Variants in RIMS2 observed in about 807,000 individuals in gnomAD.
RIMS2 encodes regulating synaptic membrane exocytosis 2.
Under a neutral mutation model 174.4 loss-of-function variants are expected in RIMS2, and 59 were observed. The ratio of observed to expected loss-of-function variants is 0.34; its 90% CI spans 0.27 to 0.42. The LOEUF (loss-of-function observed/expected upper bound fraction) is 0.42. RIMS2 is among the 10% of genes least tolerant of loss of function. The probability of loss-of-function intolerance (pLI) is 1.00; values close to 1 mark genes in which losing one functional copy is unlikely to be tolerated. For synonymous variants in RIMS2, 606 were observed against 572.5 expected (o/e 1.06, Z -0.84); for missense variants, 1,620 against 1,666.3 (o/e 0.97, Z 0.48).
At chr8:103,766,450 G>T in exon 3 of RIMS2, 3 of 1,613,926 alleles carry the variant, frequency 1.9e-6, no homozygotes, top group Non-Finnish European at 2.5e-6. Context: ...GTGGAGAAAA[G>T]TCGATCTCAT....
intron 18 of RIMS2, among the ~76,000 whole-genome samples, chr8:104,014,015 G>A (rs1402062108): frequency 2.0e-5 from 3 of 152,092 alleles, no homozygotes; most frequent in Admixed American, 6.6e-5. Flanking sequence ...CTAATATTAT[G>A]TATTAACCAG....
intron 2 of RIMS2, among the ~76,000 whole-genome samples, chr8:103,737,789 T>C (rs2097706254): frequency 6.6e-6 from 1 of 152,174 alleles, no homozygotes; most frequent in Admixed American, 6.5e-5. Flanking sequence ...CACCAGATTT[T>C]TACATGGCAA....
intron 4 of RIMS2, among the ~76,000 whole-genome samples, chr8:103,895,755 C>A (rs1034675480): frequency 1.3e-5 from 2 of 151,286 alleles, no homozygotes; most frequent in African/African-American, 4.9e-5. Flanking sequence ...ACAGATTTTC[C>A]TGAGGATTAT....
Position 103,745,762 on chromosome 8 carries a change from A to G in RIMS2, c.388-20465A>G, listed in dbSNP as rs545733416. Among the ~76,000 whole-genome samples, 44 of 152,274 alleles carry G rather than the reference A, an allele frequency of 2.9e-4. No individual in the cohort carries two copies. In the South Asian group the frequency reaches 6.8e-3, roughly 24 times the overall value. ...TCTTATGCTTTTTGGCCACTTGGAT[A>G]TGTTTATGCAGAAATATTCAAGTCC... On this transcript the variant is annotated intron_variant, in intron 2 of 23. Transcript: ENST00000504942.
intron 17 of RIMS2, among the ~76,000 whole-genome samples, chr8:103,997,612 T>G (rs1015326826): frequency 1.3e-5 from 2 of 151,690 alleles, no homozygotes; most frequent in African/African-American, 4.8e-5. Context: ...ATGTAATACA[T>G]AATACATAAT....
Position 103,797,234 on chromosome 8 carries a change from T to G in RIMS2, c.698+30697T>G, listed in dbSNP as rs117218676. Among the ~76,000 whole-genome samples, 17 of 152,254 alleles carry G rather than the reference T, an allele frequency of 1.1e-4. No homozygotes were observed. In the East Asian group the frequency reaches 3.1e-3, roughly 28 times the overall value. On this transcript the variant is annotated intron_variant, in intron 3 of 23. Transcript: ENST00000504942. Reference sequence around the variant, plus strand: ...TAGTTACTTGAGCCCTTCCTGTATGTTTTTCTAGCAAGAATTATATTTTTG... The same window carrying G: ...TAGTTACTTGAGCCCTTCCTGTATGGTTTTCTAGCAAGAATTATATTTTTG...
chr8:103,731,072 TA>T (rs937455824), intron 2 of RIMS2, among the ~76,000 whole-genome samples: 2 of 152,068 alleles, frequency 1.3e-5, no homozygotes, highest in Non-Finnish European at 2.9e-5. Flanking sequence ...TTGTGAGACT[TA>T]TTCACTATCA....
intron 19 of RIMS2, among the ~76,000 whole-genome samples, chr8:104,117,029 A>G (rs1403629585): frequency 2.0e-5 from 3 of 151,722 alleles, no homozygotes; most frequent in Non-Finnish European, 4.4e-5. Context: ...ATTTATTTGT[A>G]TAAGATTAAT....
intron 1 of RIMS2, among the ~76,000 whole-genome samples, chr8:103,606,337 C>G (rs1312129572): frequency 6.6e-6 from 1 of 150,828 alleles, no homozygotes; most frequent in Non-Finnish European, 1.5e-5. Context: ...ATCCTGAGTT[C>G]TAGTTTGATT....
chr8:103,557,799 A>G (rs2090775854), intron 1 of RIMS2, among the ~76,000 whole-genome samples: 1 of 152,214 alleles, frequency 6.6e-6, no homozygotes, highest in Admixed American at 6.5e-5. Context: ...AGGCCTAACC[A>G]TGTACAATTT....
intron 1 of RIMS2, among the ~76,000 whole-genome samples, chr8:103,687,527 G>A (rs1453004539): frequency 6.6e-6 from 1 of 151,602 alleles, no homozygotes; most frequent in Admixed American, 6.6e-5. Context: ...TTATTTTTGT[G>A]GTGAGAACAA....
At chr8:103,843,045 G>A (rs1024418426) in intron 3 of RIMS2, among the ~76,000 whole-genome samples, 1 of 152,026 alleles carries the variant, frequency 6.6e-6, no homozygotes, top group Non-Finnish European at 1.5e-5. Context: ...CCACCCCAGT[G>A]GTCTTCTTTT....
intron 19 of RIMS2, among the ~76,000 whole-genome samples, chr8:104,227,876 A>G (rs550019245): frequency 1.3e-5 from 2 of 152,342 alleles, no homozygotes; most frequent in South Asian, 4.1e-4. Context: ...CATCTAAGAA[A>G]TAAGAATAGC....
At chr8:104,135,315 G>A (rs2098509385) in intron 19 of RIMS2, among the ~76,000 whole-genome samples, 1 of 152,028 alleles carries the variant, frequency 6.6e-6, no homozygotes, top group Non-Finnish European at 1.5e-5. Context: ...TGCTGATATG[G>A]GCCAGGCATG....
intron 1 of RIMS2, among the ~76,000 whole-genome samples, chr8:103,545,955 A>G (rs1844854658): frequency 6.6e-6 from 1 of 152,222 alleles, no homozygotes; most frequent in East Asian, 1.9e-4. Flanking sequence ...CACTGACACT[A>G]TAATGCAACC....
At chr8:103,617,343 C>G (rs886719960) in intron 1 of RIMS2, among the ~76,000 whole-genome samples, 4 of 152,090 alleles carry the variant, frequency 2.6e-5, no homozygotes, top group Non-Finnish European at 5.9e-5. Context: ...TTCCTTATGC[C>G]ATACCCAAAA....
intron 19 of RIMS2, among the ~76,000 whole-genome samples, chr8:104,055,606 A>C (rs756990715): frequency 6.6e-6 from 1 of 152,230 alleles, no homozygotes; most frequent in Non-Finnish European, 1.5e-5. Flanking sequence ...GTTTACCCTC[A>C]AAATATATCT....
At chr8:103,684,146 A>C (rs1338387030) in intron 1 of RIMS2, among the ~76,000 whole-genome samples, 1 of 152,188 alleles carries the variant, frequency 6.6e-6, no homozygotes, top group Admixed American at 6.6e-5. Flanking sequence ...TTTGACAAAC[A>C]TAAAATCTAT....
chr8:103,680,543 A>G (rs1322765465), intron 1 of RIMS2, among the ~76,000 whole-genome samples: 2 of 152,040 alleles, frequency 1.3e-5, no homozygotes, highest in African/African-American at 4.8e-5. Context: ...GGAGAAATTG[A>G]AGTATTTGAC....
Sources: gnomAD v4.1 joint callset for allele counts (sites outside exome capture counted in the v4.1 genomes callset) on GRCh38, gnomAD v4.1.1 for gene constraint, MANE v1.5 for transcripts, NCBI Gene and HGNC (gene_info 2026-07-23, HGNC 2026-07-21) for gene names.